PLCL1: variants seen among roughly 807,000 people sequenced by gnomAD.
PLCL1 encodes phospholipase C like 1 (inactive).
In PLCL1, 41 loss-of-function variants were observed where a neutral mutation model predicts 84.4. The ratio of observed to expected loss-of-function variants is 0.49; its 90% CI spans 0.38 to 0.63. The LOEUF (loss-of-function observed/expected upper bound fraction) is 0.63. PLCL1 is among the 30% of genes least tolerant of loss of function. The pLI is 0.00. For missense variants in PLCL1, 1,206 were observed against 1,367.8 expected (o/e 0.88, Z 1.87); for synonymous variants, 490 against 488.3 (o/e 1.00, Z -0.05).
At chr2:197,849,730 T>C (rs1047735493) in intron 1 of PLCL1, among the ~76,000 whole-genome samples, 9 of 152,092 alleles carry the variant, frequency 5.9e-5, no homozygotes, top group African/African-American at 2.2e-4. Context: ...AAGCTCCTCA[T>C]AGACTTTGAG....
rs182925219 is a variant in PLCL1 at position 198,067,943 on chromosome 2, A to C, written c.241-15815A>C. Among the ~76,000 whole-genome samples, 550 of 152,346 alleles carry C rather than the reference A, an allele frequency of 3.6e-3. 2 individuals are homozygous for C. The highest frequency in any genetic ancestry group is 4.9e-3 in the Non-Finnish European group (332 of 68,028). ...ATTCTCATAGATAAGACTAGCTGTC[A>C]CTTTCTCTCAATTCATGCAAGTGTT... On this transcript the variant is annotated intron_variant, in intron 1 of 5. Transcript: ENST00000428675.
rs700676 is a variant in PLCL1 at position 197,837,115 on chromosome 2, C to T, written c.240+31776C>T. Among the ~76,000 whole-genome samples, 1,271 of 152,224 alleles carry T rather than the reference C, an allele frequency of 8.3e-3. 21 individuals are homozygous for T. Among genetic ancestry groups the T allele is most frequent in the African/African-American group, 0.029 (1,187 of 41,524 alleles). Reference sequence around the variant, plus strand: ...AGAGTCTCCTTGGAAAGGGAGGCCACTTGTGCATTAAAGTTTAAGGTTGCG... The same window carrying T: ...AGAGTCTCCTTGGAAAGGGAGGCCATTTGTGCATTAAAGTTTAAGGTTGCG... On this transcript the variant is annotated intron_variant, in intron 1 of 5. Coordinates refer to ENST00000428675, the MANE Select transcript of PLCL1 (RefSeq NM_006226.4).
chr2:197,988,350 C>A (rs988605421), intron 1 of PLCL1, among the ~76,000 whole-genome samples: 10 of 152,074 alleles, frequency 6.6e-5, no homozygotes, highest in African/African-American at 2.4e-4. Flanking sequence ...GTACATTGTA[C>A]CCAATATGTA....
intron 1 of PLCL1, among the ~76,000 whole-genome samples, chr2:197,851,737 G>C (rs1402711917): frequency 6.6e-6 from 1 of 152,210 alleles, no homozygotes; most frequent in Non-Finnish European, 1.5e-5. Flanking sequence ...AAATAGGCAT[G>C]TTAGAGGAGA....
At chr2:198,079,336 G>A (rs1052974481) in intron 1 of PLCL1, among the ~76,000 whole-genome samples, 10 of 151,544 alleles carry the variant, frequency 6.6e-5, no homozygotes, top group Non-Finnish European at 5.9e-5. Context: ...CTGTTGTGAC[G>A]AGTCTCATTT....
At chr2:197,864,427 C>T (rs1427914737) in intron 1 of PLCL1, among the ~76,000 whole-genome samples, 1 of 144,066 alleles carries the variant, frequency 6.9e-6, no homozygotes, top group Non-Finnish European at 1.5e-5. Flanking sequence ...AATTTCTATT[C>T]TATAATAGTA....
At chr2:197,921,805 CTCA>C (rs1355905000) in intron 1 of PLCL1, among the ~76,000 whole-genome samples, 1 of 152,094 alleles carries the variant, frequency 6.6e-6, no homozygotes, top group Non-Finnish European at 1.5e-5. Context: ...TGTTATTTCT[CTCA>C]TCAGAATTTT....
chr2:197,873,577 C>T (rs1687686214), intron 1 of PLCL1, among the ~76,000 whole-genome samples: 1 of 152,164 alleles, frequency 6.6e-6, no homozygotes, highest in Admixed American at 6.6e-5. Context: ...ATGCAAATAA[C>T]AGAACCCTTA....
intron 1 of PLCL1, among the ~76,000 whole-genome samples, chr2:197,886,958 A>T (rs566257044): frequency 6.6e-6 from 1 of 152,308 alleles, no homozygotes; most frequent in South Asian, 2.1e-4. Context: ...TTTAACATAC[A>T]TTATTTTATC....
At chr2:197,817,784 T>A (rs1484019791) in intron 1 of PLCL1, among the ~76,000 whole-genome samples, 1 of 151,892 alleles carries the variant, frequency 6.6e-6, no homozygotes, top group Non-Finnish European at 1.5e-5. Context: ...GGGAATGGAG[T>A]CAGATGGGAC....
chr2:197,817,221 AT>A (rs56070622), intron 1 of PLCL1, among the ~76,000 whole-genome samples: 67,399 of 151,034 alleles, frequency 0.45, 15,236 homozygotes, highest in Middle Eastern at 0.57. Context: ...TCTTAAAGTG[AT>A]TTTTTTTTTC....
At chr2:198,077,510 C>A (rs1213673226) in intron 1 of PLCL1, among the ~76,000 whole-genome samples, 1 of 152,076 alleles carries the variant, frequency 6.6e-6, no homozygotes, top group Non-Finnish European at 1.5e-5. Context: ...TTTCTTACCC[C>A]TCAGCTCTTC....
chr2:197,924,214 A>G (rs1184248846), intron 1 of PLCL1, among the ~76,000 whole-genome samples: 4 of 151,702 alleles, frequency 2.6e-5, no homozygotes, highest in Non-Finnish European at 5.9e-5. Context: ...ACGCAAGGCA[A>G]GTGCTTCACT....
At chr2:198,077,278 T>C (rs1419914339) in intron 1 of PLCL1, among the ~76,000 whole-genome samples, 1 of 152,134 alleles carries the variant, frequency 6.6e-6, no homozygotes, top group Non-Finnish European at 1.5e-5. Context: ...GGCACATGTA[T>C]ACATATGTAA....
At chr2:197,926,227 G>A (rs745412141) in intron 1 of PLCL1, among the ~76,000 whole-genome samples, 1 of 152,138 alleles carries the variant, frequency 6.6e-6, no homozygotes, top group Non-Finnish European at 1.5e-5. Flanking sequence ...TGTGGGAGAG[G>A]TCAGAGTTAC....
intron 1 of PLCL1, among the ~76,000 whole-genome samples, chr2:198,081,957 T>C (rs1692724109): frequency 1.3e-5 from 2 of 152,206 alleles, no homozygotes. Flanking sequence ...TCTTATGTGG[T>C]TGTTTGAAAA....
At position 198,089,013 on chromosome 2, in the gene PLCL1, G is replaced by T. The variant is rs1692955124; in HGVS notation, c.2871G>T (p.Leu957=). 5.0e-6 allele frequency: 8 copies of T among 1,613,960 alleles called. No individual in the cohort carries two copies. The East Asian group carries it at 1.8e-4, about 36-fold the overall frequency. The change falls in exon 3 of 6, where the codon CTG becomes CTT. Residue 957 remains leucine, a synonymous_variant. Coordinates refer to ENST00000428675, the MANE Select transcript of PLCL1 (RefSeq NM_006226.4). ...MKDSFPYLEP[L]GAIPDVQKKM... is the part of the protein sequence containing the mutation. ...ACAGCTTTCCTTACCTGGAGCCTCT[G>T]GGTGCAATTCCAGATGTGCAGAAAA...
At chr2:197,916,430 T>A (rs1157647537) in intron 1 of PLCL1, among the ~76,000 whole-genome samples, 1 of 152,196 alleles carries the variant, frequency 6.6e-6, no homozygotes, top group East Asian at 1.9e-4. Context: ...TCTCTAGTTT[T>A]CAGTTTTCTC....
chr2:197,972,039 T>C lies in PLCL1; in HGVS notation c.241-111719T>C, dbSNP rs576917677. Among the ~76,000 whole-genome samples, 61 of 152,344 alleles carry C rather than the reference T, an allele frequency of 4.0e-4. No homozygotes were observed. In the Middle Eastern group the frequency reaches 0.01, roughly 26 times the overall value. Reference sequence around the variant, plus strand: ...TTTATAGGCCTAGTATCCTCCTCCCTGGGTTAGGCTCCAATTGATTTTCTA... The same window carrying C: ...TTTATAGGCCTAGTATCCTCCTCCCCGGGTTAGGCTCCAATTGATTTTCTA... On this transcript the variant is annotated intron_variant, in intron 1 of 5. Coordinates refer to ENST00000428675, the MANE Select transcript of PLCL1 (RefSeq NM_006226.4).
Sources: gnomAD v4.1 joint callset for allele counts (sites outside exome capture counted in the v4.1 genomes callset) on GRCh38, gnomAD v4.1.1 for gene constraint, MANE v1.5 for transcripts, NCBI Gene and HGNC (gene_info 2026-07-23, HGNC 2026-07-21) for gene names.